The following ZNF528 variants were observed in gnomAD, a reference collection of about 807,000 sequenced individuals.
ZNF528 encodes the protein zinc finger protein 528.
ZNF528 carries 9 observed loss-of-function variants against 13.3 expected under a neutral mutation model. That is an observed-to-expected ratio of 0.67 (90% confidence interval 0.41 to 1.18). The LOEUF (loss-of-function observed/expected upper bound fraction) is 1.18. Among genes scored for constraint, ZNF528 ranks in the 50% most tolerant of loss-of-function variants. The pLI, the probability that ZNF528 is intolerant of heterozygous loss-of-function variation, is 0.01. For synonymous variants in ZNF528, 264 were observed against 254.3 expected, an observed-to-expected ratio of 1.04 and a Z score of -0.36; for missense variants, 858 against 745.4, an observed-to-expected ratio of 1.15 and a Z score of -1.76.
intron 4 of ZNF528, among the ~76,000 whole-genome samples, chr19:52,403,743 GTA>G (rs2058823198): frequency 6.6e-6 from 1 of 151,388 alleles, no homozygotes; most frequent in African/African-American, 2.4e-5. Context: ...GTGTACTAGT[GTA>G]TATGAGTGTG....
intron 6 of ZNF528, among the ~76,000 whole-genome samples, chr19:52,410,828 G>T (rs1328360008): frequency 6.6e-6 from 1 of 152,190 alleles, no homozygotes; most frequent in Non-Finnish European, 1.5e-5. Flanking sequence ...GAATCTCCTT[G>T]CAGGGTTTGG....
intron 6 of ZNF528, chr19:52,412,305 G>A (rs190308784): frequency 6.6e-6 from 1 of 152,324 alleles, no homozygotes; most frequent in East Asian, 1.9e-4. Flanking sequence ...CATAATCGGA[G>A]TCAGTCACTC....
chr19:52,400,306 C>T (rs1035730894), intron 2 of ZNF528, among the ~76,000 whole-genome samples: 1 of 150,834 alleles, frequency 6.6e-6, no homozygotes, highest in South Asian at 2.1e-4. Context: ...GAAGAAAAAA[C>T]AAAGTATTAG....
Position 52,417,107 on chromosome 19 carries a change from G to T in ZNF528, c.*368G>T, listed in dbSNP as rs765503566. On this transcript the variant is annotated 3_prime_UTR_variant, in exon 7 of 7. Transcript: ENST00000360465. ...ATCAAAGGTGCAACGGCTTGTAAATGACCAGTTTTATTCAGGCTATAAAGC... is the reference window on the plus strand; with the variant it reads ...ATCAAAGGTGCAACGGCTTGTAAATTACCAGTTTTATTCAGGCTATAAAGC... The T allele has an allele frequency of 3.9e-5, 9 of 233,130 alleles. No homozygotes were observed. The highest frequency in any genetic ancestry group is 7.6e-5 in the Non-Finnish European group (9 of 117,978). 14.4% of individuals were successfully genotyped at this position (233,130 alleles called of 1,614,324 possible).
In ZNF528 at chr19:52,415,455, TACTA is replaced by T; in HGVS notation, c.606_609del (p.Asn203LysfsTer2). ...AAGTCTTTAGAGCATCTGCAAGCCT[TACTA>T]ACCAAGTAATCCATAACGCAGATAA... On this transcript the variant is annotated frameshift_variant, in exon 7 of 7. Transcript: ENST00000360465. LOFTEE classifies it low-confidence loss of function (END_TRUNC). The T allele has an allele frequency of 2.5e-6, 4 of 1,614,220 alleles. No individual in the cohort carries two copies. Among genetic ancestry groups the T allele is most frequent in the Non-Finnish European group, 3.4e-6 (4 of 1,180,042 alleles).
chr19:52,414,227 C>A, intron 6 of ZNF528: 1 of 702,598 alleles, frequency 1.4e-6, no homozygotes, highest in South Asian at 1.5e-5. Flanking sequence ...GCAGAACCTT[C>A]TTTGTTCACG....
In ZNF528 at chr19:52,416,080, G is replaced by A. The variant is rs1279395156; in HGVS notation, c.1228G>A (p.Gly410Arg). Residue 410 changes from glycine (G) to arginine (R), a missense_variant, in exon 7 of 7, where the codon GGA (glycine) becomes AGA (arginine). Physicochemically the swap from Gly to Arg is moderately radical, Grantham distance 125. Coordinates refer to ENST00000360465, the MANE Select transcript of ZNF528 (RefSeq NM_032423.3). ...AATTCATACTAGAGAGAGACCTTATGGATGCAGTCAGTGTGGCAAGATCTT... is the reference window on the plus strand; with the variant it reads ...AATTCATACTAGAGAGAGACCTTATAGATGCAGTCAGTGTGGCAAGATCTT... ...QRIHTRERPY[G>R]CSQCGKIFSQ... 10 of 1,613,890 alleles carry A rather than the reference G, an allele frequency of 6.2e-6. No individual in the cohort carries two copies. Among genetic ancestry groups the A allele is most frequent in the Non-Finnish European group, 7.6e-6 (9 of 1,180,004 alleles).
intron 4 of ZNF528, 96 bp downstream of exon 4, chr19:52,402,124 TGAC>T: frequency 6.4e-7 from 1 of 1,572,710 alleles, no homozygotes. Context: ...GCATCCTGCC[TGAC>T]ACGTTTGCTT....
rs1411842436 is a variant in ZNF528, at chr19:52,401,753, G to A, written c.-68G>A. On this transcript the variant is annotated splice_region_variant and 5_prime_UTR_variant, in exon 3 of 7. Coordinates refer to ENST00000360465, the MANE Select transcript of ZNF528 (RefSeq NM_032423.3). ...CAGAAGGAATCCACTCAACAGACGA[G>A]GTACCTTAACCACATAATGGTTGAT... 1.7e-5 allele frequency: 25 copies of A among 1,469,122 alleles called. No homozygotes were observed. Among genetic ancestry groups the A allele is most frequent in the Non-Finnish European group, 2.2e-5 (24 of 1,106,316 alleles). 91.0% of individuals were successfully genotyped at this position (1,469,122 alleles called of 1,614,324 possible).
chr19:52,415,798 C>G lies in ZNF528; in HGVS notation c.946C>G (p.Gln316Glu), dbSNP rs576918742. ...TCAAATTGCACACCTTGTACGACAT[C>G]AAAAAATTCATACTGGAGAGAAACC... Reference protein sequence around the residue: ...FNQIAHLVRHQKIHTGEKPYS... With the variant: ...FNQIAHLVRHEKIHTGEKPYS... Residue 316 changes from glutamine (Q) to glutamate (E), a missense_variant, in exon 7 of 7, where the codon CAA becomes GAA. Gln to Glu is a conservative substitution (Grantham distance 29). Transcript: ENST00000360465. 8 of 1,614,028 alleles carry G rather than the reference C, an allele frequency of 5.0e-6. No individual in the cohort carries two copies. The African/African-American group carries it at 8.0e-5, about 16-fold the overall frequency.
At chr19:52,404,529 G>A (rs2058832058) in intron 4 of ZNF528, among the ~76,000 whole-genome samples, 1 of 152,020 alleles carries the variant, frequency 6.6e-6, no homozygotes, top group Admixed American at 6.6e-5. Flanking sequence ...CTATCACATG[G>A]GAAGTGTTCC....
At position 52,401,687 on chromosome 19, in the gene ZNF528, T is replaced by C. The variant is rs1568677315; in HGVS notation, c.-134T>C. ...CTTTTTTTTTTTTTTTTTTTTAGGT[T>C]CACAAATTTTAAGAAAGGGAGAATA... On this transcript the variant is annotated splice_region_variant and 5_prime_UTR_variant, in exon 3 of 7. Coordinates refer to ENST00000360465, the MANE Select transcript of ZNF528 (RefSeq NM_032423.3). 7.8e-7 allele frequency: 1 copy of C among 1,281,412 alleles called. No homozygotes were observed. Among genetic ancestry groups the C allele is most frequent in the Non-Finnish European group, 1.0e-6 (1 of 988,850 alleles). The allele number at this position is 1,281,412 out of a possible 1,614,324, so 79.4% of individuals were successfully genotyped here. A position where few individuals can be genotyped will look rare whatever the true frequency, so the allele number is the denominator to read the frequency against.
At chr19:52,409,508 C>T (rs1469928390) in intron 6 of ZNF528, among the ~76,000 whole-genome samples, 1 of 151,998 alleles carries the variant, frequency 6.6e-6, no homozygotes, top group Non-Finnish European at 1.5e-5. Flanking sequence ...TTGTCTATCT[C>T]ATTTATGTTT....
At position 52,397,904 on chromosome 19, in the gene ZNF528, C is replaced by G. The variant is rs1399505860; in HGVS notation, c.-390C>G. On this transcript the variant is annotated splice_region_variant and 5_prime_UTR_variant, in exon 1 of 7. Transcript: ENST00000360465. Reference sequence around the variant, plus strand: ...GGGAGAAACTGTTTTCGCAGCAGTGCGTGAGTTTCCCTTTGTCTATGTTAA... The same window carrying G: ...GGGAGAAACTGTTTTCGCAGCAGTGGGTGAGTTTCCCTTTGTCTATGTTAA... The G allele has an allele frequency of 6.6e-6, 1 of 152,224 alleles. No homozygotes were observed. Among genetic ancestry groups the G allele is most frequent in the East Asian group, 1.9e-4 (1 of 5,182 alleles). The allele number at this position is 152,224 out of a possible 1,614,324, so 9.4% of individuals were successfully genotyped here.
In ZNF528 at chr19:52,416,196, GT is replaced by G; in HGVS notation, c.1348del (p.Ser450GlnfsTer8). On this transcript the variant is annotated frameshift_variant, in exon 7 of 7. Transcript: ENST00000360465. LOFTEE classifies it low-confidence loss of function (END_TRUNC). ...CNKCGTAFRE[F>X]SDLTAHFLIH... The stretch of plus-strand genomic sequence containing the variant: ...ATAAATGTGGCACAGCGTTTAGAGA[GT>G]TTTCAGACCTTACTGCCCATTTTCT... 1 of 1,613,590 alleles carries G rather than the reference GT, an allele frequency of 6.2e-7. No individual in the cohort carries two copies. The highest frequency in any genetic ancestry group is 8.5e-7 in the Non-Finnish European group (1 of 1,179,816).
At position 52,405,956 on chromosome 19, in the gene ZNF528, G is replaced by A; in HGVS notation, c.65G>A (p.Trp22Ter). ...GCCATAGAGTTCTCTCAGGAAGAGT[G>A]GAAATGCCTGGACCCTGCGCAGAGG... Reference protein sequence around the residue: ...DVAIEFSQEEWKCLDPAQRTL... With the variant: ...DVAIEFSQEE The change falls in exon 5 of 7, where the codon TGG becomes TAG. Residue 22 changes from tryptophan (W) to a stop codon, truncating the protein, a stop_gained. Transcript: ENST00000360465. LOFTEE classifies it high-confidence loss of function. The A allele has an allele frequency of 1.9e-6, 3 of 1,612,154 alleles. No individual in the cohort carries two copies. The highest frequency in any genetic ancestry group is 2.5e-6 in the Non-Finnish European group (3 of 1,178,642).
intron 4 of ZNF528, among the ~76,000 whole-genome samples, chr19:52,404,456 G>C (rs535861882): frequency 6.6e-6 from 1 of 152,062 alleles, no homozygotes; most frequent in African/African-American, 2.4e-5. Context: ...TCAGTCTCTT[G>C]ACCTTGTGAT....
At position 52,418,269 on chromosome 19, in the gene ZNF528, C is replaced by T. The variant is rs1414899264; in HGVS notation, c.*1530C>T. ...AAGTGCTAGGATTACAGGCGTGAGC[C>T]ACCACACCTGGCCAGCTCAGCATAT... On this transcript the variant is annotated 3_prime_UTR_variant, in exon 7 of 7. Transcript: ENST00000360465. 6.6e-6 allele frequency: 1 copy of T among 152,220 alleles called. No homozygotes were observed. The highest frequency in any genetic ancestry group is 2.4e-5 in the African/African-American group (1 of 41,452). 9.4% of individuals were successfully genotyped at this position (152,220 alleles called of 1,614,324 possible).
chr19:52,403,659 CAAAAAAAAAAA>C (rs398035018), intron 4 of ZNF528, among the ~76,000 whole-genome samples: 1 of 84,978 alleles, frequency 1.2e-5, no homozygotes, highest in Admixed American at 1.6e-4. Context: ...GACTCCATCT[CAAAAAAAAAAA>C]AAAAAAAAAA....
Sources: allele counts gnomAD v4.1 joint callset (sites outside exome capture counted in the v4.1 genomes callset), GRCh38; gene constraint gnomAD v4.1.1; transcripts MANE v1.5; gene names NCBI Gene and HGNC (gene_info 2026-07-23, HGNC 2026-07-21).